The following MAVS variants were observed in gnomAD, a reference collection of about 807,000 sequenced individuals.
MAVS encodes mitochondrial antiviral-signaling protein.
Under a neutral mutation model 30.2 loss-of-function variants are expected in MAVS, and 20 were observed. The observed-to-expected ratio is 0.66, with a 90% CI of 0.47 to 0.96. The LOEUF is 0.96. Among genes scored for constraint, MAVS ranks in the 40% least tolerant of loss-of-function variants. The pLI is 0.00. For synonymous variants in MAVS, 278 were observed against 293.9 expected (o/e 0.95, Z 0.55); for missense variants, 624 against 701.1 (o/e 0.89, Z 1.24).
rs1214928243 is a variant in MAVS at position 3,872,839 on chromosome 20, A to G, written c.*6692A>G. ...AATCATACAACAGATATTTGCACCT[A>G]CATGTGCAGAGCACTGTGATAGGCC... On this transcript the variant is annotated 3_prime_UTR_variant, in exon 7 of 7. Coordinates refer to ENST00000428216, the MANE Select transcript of MAVS (RefSeq NM_020746.5). 1 of 152,312 alleles carries G rather than the reference A, an allele frequency of 6.6e-6. No individual in the cohort carries two copies. Among genetic ancestry groups the G allele is most frequent in the Non-Finnish European group, 1.5e-5 (1 of 68,050 alleles). 9.4% of individuals were successfully genotyped at this position (152,312 alleles called of 1,614,324 possible). A position where few individuals can be genotyped will look rare whatever the true frequency, so the allele number is the denominator to read the frequency against.
rs1201838374 is a variant in MAVS at position 3,870,658 on chromosome 20, A to ATCT, written c.*4511_*4512insTCT. The ATCT allele has an allele frequency of 7.1e-6, 1 of 141,028 alleles. No individual in the cohort carries two copies. The highest frequency in any genetic ancestry group is 1.5e-5 in the Non-Finnish European group (1 of 66,886). The allele number at this position is 141,028 out of a possible 1,614,324, so 8.7% of individuals were successfully genotyped here. A position where few individuals can be genotyped will look rare whatever the true frequency, so the allele number is the denominator to read the frequency against. On this transcript the variant is annotated 3_prime_UTR_variant, in exon 7 of 7. Transcript: ENST00000428216. ...CTAAAAAAAAAAAAAAAAAAAAAAA[A>ATCT]AAAAAAAAAAAAAAAAAATCTAGGA...
At chr20:3,859,947 G>C (rs1170244377) in intron 3 of MAVS, among the ~76,000 whole-genome samples, 4 of 149,488 alleles carry the variant, frequency 2.7e-5, no homozygotes, top group Admixed American at 6.7e-5. Flanking sequence ...CTCCCGAGTA[G>C]CTGGGACTAC....
Position 3,875,475 on chromosome 20 carries a change from T to TAA in MAVS, c.*9341_*9342dup, listed in dbSNP as rs5840016. 25,364 of 145,606 alleles carry TAA rather than the reference T, an allele frequency of 0.17. 2,319 individuals are homozygous for TAA. Among genetic ancestry groups the TAA allele is most frequent in the African/African-American group, 0.24 (9,426 of 39,664 alleles). 9.0% of individuals were successfully genotyped at this position (145,606 alleles called of 1,614,324 possible). On this transcript the variant is annotated 3_prime_UTR_variant, in exon 7 of 7. Transcript: ENST00000428216. Reference sequence around the variant, plus strand: ...CTACTTCTTCAGTGCTGTTTTTATTTAAAAAAAAAAAAAACCAGCCAAAAC... The same window carrying TAA: ...CTACTTCTTCAGTGCTGTTTTTATTTAAAAAAAAAAAAAAAACCAGCCAAAAC...
chr20:3,852,555 G>C (rs1383722059), intron 1 of MAVS, among the ~76,000 whole-genome samples: 6 of 152,128 alleles, frequency 3.9e-5, no homozygotes, highest in Admixed American at 3.9e-4. Flanking sequence ...ACATTTATAG[G>C]CACAGAAACT....
intron 3 of MAVS, among the ~76,000 whole-genome samples, chr20:3,859,457 G>A (rs529608582): frequency 3.1e-4 from 46 of 150,776 alleles, no homozygotes; most frequent in East Asian, 5.9e-4. Flanking sequence ...GCAGTGAGCC[G>A]AGATTGCGCC....
chr20:3,852,463 G>T (rs2146757527), intron 1 of MAVS, among the ~76,000 whole-genome samples: 1 of 152,170 alleles, frequency 6.6e-6, no homozygotes, highest in East Asian at 1.9e-4. Context: ...TATTTTTTCA[G>T]TGTGTCCCAA....
At chr20:3,850,044 C>T (rs907719677) in intron 1 of MAVS, among the ~76,000 whole-genome samples, 6 of 151,304 alleles carry the variant, frequency 4.0e-5, no homozygotes, top group South Asian at 4.2e-4. Flanking sequence ...TTTGGGAGGC[C>T]GAGGCGGGCA....
chr20:3,849,048 A>T (rs1376777212), intron 1 of MAVS, among the ~76,000 whole-genome samples: 2 of 152,008 alleles, frequency 1.3e-5, no homozygotes, highest in South Asian at 2.1e-4. Context: ...GAAGTCTTTA[A>T]TGTAAATCAG....
Position 3,865,670 on chromosome 20 carries a change from CT to C in MAVS, c.1159-10del. ...AACCCCAGTCCCTTCCAGTGCTCTC[CT>C]TTCTTTCCCAGGAGACCCCAGCAGC... is the stretch of plus-strand genomic sequence containing the variant. On this transcript the variant is annotated splice_polypyrimidine_tract_variant and intron_variant, in intron 6 of 6. Transcript: ENST00000428216. This position sits in a 1 kb window ranked among gnomAD's most constrained non-coding sequence, Gnocchi z 4.7. 6.3e-7 allele frequency: 1 copy of C among 1,590,248 alleles called. No homozygotes were observed. The highest frequency in any genetic ancestry group is 8.6e-7 in the Non-Finnish European group (1 of 1,167,420).
chr20:3,848,106 C>CT (rs879579143), intron 1 of MAVS, among the ~76,000 whole-genome samples: 150 of 146,690 alleles, frequency 1.0e-3, no homozygotes, highest in Middle Eastern at 3.5e-3. Context: ...AGAAAGGGGT[C>CT]TTTTTTTTTT....
rs1301928653 is a variant in MAVS, at chr20:3,857,728, T to G, written c.211T>G (p.Tyr71Asp). The G allele has an allele frequency of 6.2e-7, 1 of 1,614,036 alleles. No individual in the cohort carries two copies. Among genetic ancestry groups the G allele is most frequent in the Non-Finnish European group, 8.5e-7 (1 of 1,180,004 alleles). The change falls in exon 3 of 7, where the codon TAC becomes GAC. Residue 71 changes from tyrosine (Y) to aspartate (D), a missense_variant. Coordinates refer to ENST00000428216, the MANE Select transcript of MAVS (RefSeq NM_020746.5). ...TLQRRPGWVE[Y>D]FIAALRGCEL... ...TCAGCGGCGGCCCGGCTGGGTGGAG[T>G]ACTTCATTGCGGCACTGAGGGGCTG...
In MAVS at chr20:3,867,064, G is replaced by T. The variant is rs1342009002; in HGVS notation, c.*917G>T. The T allele has an allele frequency of 2.2e-6, 1 of 456,632 alleles. No homozygotes were observed. The highest frequency in any genetic ancestry group is 4.4e-6 in the Non-Finnish European group (1 of 226,992). 28.3% of individuals were successfully genotyped at this position (456,632 alleles called of 1,614,324 possible). A position where few individuals can be genotyped will look rare whatever the true frequency, so the allele number is the denominator to read the frequency against. ...GTGTTTGCCAAGTGCCTGGCCCAGA[G>T]CAAGTGGCCACTGCTTCTCCCATCT... On this transcript the variant is annotated 3_prime_UTR_variant, in exon 7 of 7. Coordinates refer to ENST00000428216, the MANE Select transcript of MAVS (RefSeq NM_020746.5).
chr20:3,861,204 G>C (rs2089864151), intron 3 of MAVS, 128 bp from the exon 4 acceptor site: 1 of 804,232 alleles, frequency 1.2e-6, no homozygotes, highest in African/African-American at 1.7e-5. Context: ...CACTGTGTTA[G>C]CCAGGGTGGT....
At chr20:3,859,317 C>T (rs1032693274) in intron 3 of MAVS, among the ~76,000 whole-genome samples, 3 of 151,884 alleles carry the variant, frequency 2.0e-5, no homozygotes, top group African/African-American at 4.8e-5. Flanking sequence ...ACCAGCCTGG[C>T]CAATATGGTG....
chr20:3,849,200 T>C (rs1044653450), intron 1 of MAVS, among the ~76,000 whole-genome samples: 1 of 151,654 alleles, frequency 6.6e-6, no homozygotes, highest in Non-Finnish European at 1.5e-5. Flanking sequence ...TTTCCCTAGC[T>C]TGCTTGCTTT....
Position 3,864,644 on chromosome 20 carries a change from T to C in MAVS, c.1014T>C (p.Ser338=). ...CAAAGCCCCCTGGTGCAGTGCCTTC[T>C]AATGCGCTCACCAATCCAGCACCAT... ...TSSKPPGAVP[S]NALTNPAPSK... is the part of the protein sequence containing the mutation. The change falls in exon 6 of 7, where the codon TCT becomes TCC. Residue 338 remains serine, a synonymous_variant. Coordinates refer to ENST00000428216, the MANE Select transcript of MAVS (RefSeq NM_020746.5). 1 of 1,614,208 alleles carries C rather than the reference T, an allele frequency of 6.2e-7. No homozygotes were observed. The highest frequency in any genetic ancestry group is 8.5e-7 in the Non-Finnish European group (1 of 1,180,022).
rs909630534 is a variant in MAVS at position 3,867,708 on chromosome 20, G to A, written c.*1561G>A. On this transcript the variant is annotated 3_prime_UTR_variant, in exon 7 of 7. Coordinates refer to ENST00000428216, the MANE Select transcript of MAVS (RefSeq NM_020746.5). ...GTATTTGCCCCTTACTTTATCTTGT[G>A]CCTTGAGAAATTGCTGGGGAGAGAG... is the stretch of plus-strand genomic sequence containing the variant. 1 of 153,164 alleles carries A rather than the reference G, an allele frequency of 6.5e-6. No individual in the cohort carries two copies. The highest frequency in any genetic ancestry group is 1.9e-4 in the East Asian group (1 of 5,360). The allele number at this position is 153,164 out of a possible 1,614,324, so 9.5% of individuals were successfully genotyped here.
Position 3,865,295 on chromosome 20 carries a change from G to A in MAVS, c.1159-388G>A, listed in dbSNP as rs984032163. ...AAGCCTCACATCTAACCCTAGCTGC[G>A]GCTGTCTGCTGGGAAGAGCCAAGTC... On this transcript the variant is annotated intron_variant, in intron 6 of 6. Coordinates refer to ENST00000428216, the MANE Select transcript of MAVS (RefSeq NM_020746.5). This position sits in a 1 kb window ranked among gnomAD's most constrained non-coding sequence, Gnocchi z 4.7. 2.6e-5 allele frequency among the ~76,000 whole-genome samples: 4 copies of A among 152,226 alleles called. No individual in the cohort carries two copies. The highest frequency in any genetic ancestry group is 3.9e-4 in the East Asian group (2 of 5,168).
rs371612552 is a variant in MAVS at position 3,864,456 on chromosome 20, G to A, written c.826G>A (p.Asp276Asn). 2 of 1,613,980 alleles carry A rather than the reference G, an allele frequency of 1.2e-6. No individual in the cohort carries two copies. The highest frequency in any genetic ancestry group is 4.5e-5 in the East Asian group (2 of 44,866). Residue 276 changes from aspartate (D) to asparagine (N), a missense_variant, in exon 6 of 7, where the codon GAC (aspartate) becomes AAC (asparagine). Asp to Asn is a conservative substitution (Grantham distance 23). Coordinates refer to ENST00000428216, the MANE Select transcript of MAVS (RefSeq NM_020746.5). Reference sequence around the variant, plus strand: ...AGAGGGTAAACAGGGTGCAGAGAGTGACCAGGCCGAGCCTATCATCTGCTC... The same window carrying A: ...AGAGGGTAAACAGGGTGCAGAGAGTAACCAGGCCGAGCCTATCATCTGCTC... Reference protein sequence around the residue: ...AAEGKQGAESDQAEPIICSSG... With the variant: ...AAEGKQGAESNQAEPIICSSG...
Sources: allele counts gnomAD v4.1 joint callset (sites outside exome capture counted in the v4.1 genomes callset), GRCh38; gene constraint gnomAD v4.1.1; non-coding constraint Gnocchi (gnomAD v3.1); transcripts MANE v1.5; gene names NCBI Gene and HGNC (gene_info 2026-07-23, HGNC 2026-07-21).